PPP4R2: variants seen among roughly 807,000 people sequenced by gnomAD.
PPP4R2 encodes the protein serine/threonine-protein phosphatase 4 regulatory subunit 2.
PPP4R2 carries 13 observed loss-of-function variants against 47.2 expected under a neutral mutation model. The observed-to-expected ratio is 0.28, with a 90% confidence interval of 0.18 to 0.44. The LOEUF is 0.44. Ranked by LOEUF, PPP4R2 falls within the 20% of genes least tolerant of loss-of-function variation. The pLI, the probability that PPP4R2 is intolerant of heterozygous loss-of-function variation, is 1.00. For synonymous variants in PPP4R2, 151 were observed against 163.3 expected, an observed-to-expected ratio of 0.92 and a Z score of 0.57; for missense variants, 421 against 491.2, an observed-to-expected ratio of 0.86 and a Z score of 1.35.
rs1216638650 is a variant in PPP4R2, at chr3:73,068,240, C to A, written c.*2518C>A. ...ATCAAGCAAAGTCCTGTTAAAAGAT[C>A]TAAATGAAGAATGGAGACCTCAGTG... On this transcript the variant is annotated 3_prime_UTR_variant, in exon 9 of 9. Transcript: ENST00000356692. 1.3e-5 allele frequency: 2 copies of A among 152,032 alleles called. No individual in the cohort carries two copies. The highest frequency in any genetic ancestry group is 1.9e-4 in the East Asian group (1 of 5,182). 9.4% of individuals were successfully genotyped at this position (152,032 alleles called of 1,614,324 possible). A position where few individuals can be genotyped will look rare whatever the true frequency, so the allele number is the denominator to read the frequency against.
intron 2 of PPP4R2, among the ~76,000 whole-genome samples, chr3:73,021,990 A>G (rs1023281879): frequency 3.3e-5 from 5 of 149,898 alleles, no homozygotes; most frequent in Non-Finnish European, 5.9e-5. Context: ...TCCGCTTCCC[A>G]GGTTCAAGTG....
intron 4 of PPP4R2, among the ~76,000 whole-genome samples, chr3:73,059,936 GAAAA>G (rs11300271): frequency 8.5e-6 from 1 of 118,288 alleles, no homozygotes; most frequent in African/African-American, 3.1e-5. Flanking sequence ...CTCTGTCTCA[GAAAA>G]AAAAAAAAAA....
intron 3 of PPP4R2, among the ~76,000 whole-genome samples, chr3:73,048,329 C>CTT (rs1702532053): frequency 1.3e-5 from 2 of 152,074 alleles, no homozygotes; most frequent in Non-Finnish European, 2.9e-5. Context: ...CTCGGCTCAC[C>CTT]GCAACCTCCG....
At chr3:73,029,531 C>T (rs1702129885) in intron 2 of PPP4R2, among the ~76,000 whole-genome samples, 1 of 150,662 alleles carries the variant, frequency 6.6e-6, no homozygotes, top group African/African-American at 2.5e-5. Context: ...AGGAGTTTGT[C>T]TGAGCATCCG....
chr3:73,064,323 C>A (rs548086321), intron 7 of PPP4R2, among the ~76,000 whole-genome samples, 177 bp downstream of exon 7: 2 of 152,264 alleles, frequency 1.3e-5, no homozygotes, highest in South Asian at 4.1e-4. Flanking sequence ...TGGACATAGA[C>A]AAGACTTAAA....
At chr3:72,998,027 A>T (rs745610774) in intron 1 of PPP4R2, 50 bp from the exon 2 acceptor site, 1 of 1,322,622 alleles carries the variant, frequency 7.6e-7, no homozygotes, top group Non-Finnish European at 1.1e-6. Context: ...GTTTGTTTTT[A>T]GAGCGCTTTT....
intron 2 of PPP4R2, chr3:73,015,890 G>T: frequency 2.9e-6 from 1 of 350,700 alleles, no homozygotes; most frequent in South Asian, 2.0e-5. Context: ...TACCTGCTTT[G>T]GCCTCCCAAA....
At chr3:73,018,581 G>A (rs1035603496) in intron 2 of PPP4R2, among the ~76,000 whole-genome samples, 9 of 150,150 alleles carry the variant, frequency 6.0e-5, no homozygotes, top group African/African-American at 1.7e-4. Context: ...AGCCTCCCAT[G>A]TAGTGTCTTG....
Position 73,064,165 on chromosome 3 carries a change from T to TA in PPP4R2, c.638+24dup. On this transcript the variant is annotated intron_variant, in intron 7 of 8. Coordinates refer to ENST00000356692, the MANE Select transcript of PPP4R2 (RefSeq NM_174907.4). The stretch of plus-strand genomic sequence containing the variant: ...ATCACAGGTTTGTATGTTTTATATT[T>TA]AAAAACAGTGTTTTTATTAAAAGTT... 3.8e-6 allele frequency: 6 copies of TA among 1,583,424 alleles called. No homozygotes were observed. The highest frequency in any genetic ancestry group is 5.1e-6 in the Non-Finnish European group (6 of 1,165,808).
intron 3 of PPP4R2, among the ~76,000 whole-genome samples, chr3:73,054,304 A>G (rs1702683887): frequency 6.6e-6 from 1 of 152,238 alleles, no homozygotes; most frequent in Non-Finnish European, 1.5e-5. Context: ...AAATTCATAA[A>G]TATAAATATT....
intron 2 of PPP4R2, among the ~76,000 whole-genome samples, chr3:73,042,316 T>C (rs1190470929): frequency 6.6e-6 from 1 of 152,012 alleles, no homozygotes; most frequent in Non-Finnish European, 1.5e-5. Flanking sequence ...GCCAAGTTTT[T>C]AGTTGATTTG....
chr3:73,014,542 C>T (rs1342002332), intron 2 of PPP4R2, among the ~76,000 whole-genome samples: 2 of 151,974 alleles, frequency 1.3e-5, no homozygotes, highest in Non-Finnish European at 2.9e-5. Flanking sequence ...AAGCAATTCT[C>T]CCACCTTGGC....
At chr3:73,062,209 A>G in intron 5 of PPP4R2, 1 of 1,587,840 alleles carries the variant, frequency 6.3e-7, no homozygotes, top group Non-Finnish European at 8.5e-7. Context: ...TTAAGTCGGA[A>G]CCAATTTTCC....
At chr3:73,008,704 A>C (rs1575841378) in intron 2 of PPP4R2, among the ~76,000 whole-genome samples, 1 of 152,250 alleles carries the variant, frequency 6.6e-6, no homozygotes, top group African/African-American at 2.4e-5. Context: ...GGACTTGAAT[A>C]ATAAAGTATA....
chr3:73,048,415 C>T (rs899219977), intron 3 of PPP4R2, among the ~76,000 whole-genome samples: 4 of 151,836 alleles, frequency 2.6e-5, no homozygotes, highest in South Asian at 2.1e-4. Flanking sequence ...CCACGGTGCT[C>T]GGCTAATTTT....
intron 2 of PPP4R2, among the ~76,000 whole-genome samples, chr3:73,025,325 C>A (rs1242753817): frequency 2.0e-5 from 3 of 152,094 alleles, no homozygotes; most frequent in Admixed American, 1.3e-4. Flanking sequence ...ACCTTCTGAC[C>A]TTTAAGGGTC....
intron 2 of PPP4R2, among the ~76,000 whole-genome samples, chr3:73,022,597 C>T (rs1335393027): frequency 4.6e-5 from 7 of 152,036 alleles, no homozygotes; most frequent in Non-Finnish European, 8.8e-5. Flanking sequence ...AAGATTTTGA[C>T]ACAATTACAA....
In PPP4R2 at chr3:73,047,698, A is replaced by G. The variant is rs369735122; in HGVS notation, c.287+342A>G. Among the ~76,000 whole-genome samples, 46 of 152,342 alleles carry G rather than the reference A, an allele frequency of 3.0e-4. 1 individual carries two copies. The highest frequency in any genetic ancestry group is 1.4e-3 in the South Asian group (7 of 4,828). Reference sequence around the variant, plus strand: ...GAAATCACATTTCTTTTAAAACGAAATACTAATTTATGGAAGTATTTTAGT... The same window carrying G: ...GAAATCACATTTCTTTTAAAACGAAGTACTAATTTATGGAAGTATTTTAGT... On this transcript the variant is annotated intron_variant, in intron 3 of 8. Transcript: ENST00000356692.
At chr3:73,013,710 C>T (rs1701770065) in intron 2 of PPP4R2, among the ~76,000 whole-genome samples, 1 of 151,908 alleles carries the variant, frequency 6.6e-6, no homozygotes. Context: ...ACAACCTCAG[C>T]TCACTGCAGC....
Sources: gnomAD v4.1 joint callset for allele counts (sites outside exome capture counted in the v4.1 genomes callset) on GRCh38, gnomAD v4.1.1 for gene constraint, MANE v1.5 for transcripts, NCBI Gene and HGNC (gene_info 2026-07-23, HGNC 2026-07-21) for gene names.